The following THSD4 variants were observed in gnomAD, a reference collection of about 807,000 sequenced individuals.
THSD4 encodes thrombospondin type-1 domain-containing protein 4.
THSD4 carries 69 observed loss-of-function variants against 119.0 expected under a neutral mutation model. The ratio of observed to expected loss-of-function variants is 0.58; its 90% CI spans 0.48 to 0.71. The LOEUF is 0.71. THSD4 is among the 30% of genes least tolerant of loss of function. THSD4 has a pLI of 0.00. For synonymous variants in THSD4, 524 were observed against 540.4 expected (o/e 0.97, Z 0.42); for missense variants, 1,393 against 1,391.1 (o/e 1.00, Z -0.02).
intron 6 of THSD4, among the ~76,000 whole-genome samples, chr15:71,374,645 A>G (rs563708441): frequency 6.6e-6 from 1 of 152,330 alleles, no homozygotes; most frequent in South Asian, 2.1e-4. Context: ...ATGAATCTTG[A>G]GGGTGAGCAA....
At chr15:71,457,135 A>G (rs746335804) in intron 7 of THSD4, among the ~76,000 whole-genome samples, 1 of 152,114 alleles carries the variant, frequency 6.6e-6, no homozygotes, top group Non-Finnish European at 1.5e-5. Flanking sequence ...AATCCCAGCA[A>G]TTTGGGAGGC....
chr15:71,256,801 G>T, intron 6 of THSD4, 86 bp downstream of exon 6: 4 of 1,280,622 alleles, frequency 3.1e-6, no homozygotes, highest in Admixed American at 1.9e-5. Context: ...TGGAGGTATT[G>T]GTGTGATCCT....
intron 3 of THSD4, chr15:71,164,936 G>A: frequency 1.0e-5 from 16 of 1,581,302 alleles, no homozygotes; most frequent in Non-Finnish European, 1.3e-5. Context: ...AGCTCGATAT[G>A]CAGCAATATC....
At chr15:71,643,279 A>C (rs900036190) in intron 7 of THSD4, among the ~76,000 whole-genome samples, 3 of 152,128 alleles carry the variant, frequency 2.0e-5, no homozygotes, top group African/African-American at 4.8e-5. Context: ...TAAAACCACT[A>C]ATGTGTTTTG....
intron 7 of THSD4, among the ~76,000 whole-genome samples, chr15:71,438,138 G>A (rs376574223): frequency 4.6e-5 from 7 of 151,984 alleles, no homozygotes; most frequent in Non-Finnish European, 1.0e-4. Context: ...CCTCGCCCTC[G>A]CCCTCACCCT....
intron 10 of THSD4, chr15:71,734,007 C>G (rs1176399318): frequency 6.7e-6 from 1 of 149,554 alleles, no homozygotes; most frequent in Non-Finnish European, 1.5e-5. Context: ...TGGGGTCTCG[C>G]TATGTTGCCC....
At chr15:71,124,851 T>C (rs1233098059) in intron 1 of THSD4, among the ~76,000 whole-genome samples, 2 of 152,000 alleles carry the variant, frequency 1.3e-5, no homozygotes, top group African/African-American at 4.8e-5. Flanking sequence ...GAGACCAGCC[T>C]GGGCAACAAA....
intron 3 of THSD4, among the ~76,000 whole-genome samples, chr15:71,211,298 C>T (rs1235943429): frequency 1.3e-5 from 2 of 152,116 alleles, no homozygotes; most frequent in African/African-American, 2.4e-5. Context: ...GGTGCTTAAG[C>T]AACAGGAATT....
intron 6 of THSD4, among the ~76,000 whole-genome samples, chr15:71,296,684 T>G (rs1475920410): frequency 6.6e-6 from 1 of 152,242 alleles, no homozygotes; most frequent in African/African-American, 2.4e-5. Flanking sequence ...TTATCACAGG[T>G]TTTTATGTGT....
chr15:71,145,654 G>A (rs950970911), intron 2 of THSD4, among the ~76,000 whole-genome samples: 1 of 152,294 alleles, frequency 6.6e-6, no homozygotes, highest in Middle Eastern at 3.4e-3. Flanking sequence ...TTAAGAAAAC[G>A]TGTTTTTATG....
At chr15:71,551,944 C>T (rs4255743) in intron 7 of THSD4, among the ~76,000 whole-genome samples, 46,326 of 152,194 alleles carry the variant, frequency 0.3, 7,809 homozygotes, top group Non-Finnish European at 0.39. Context: ...TCCAAGTTAC[C>T]AGATGCCAGC....
chr15:71,185,392 A>G (rs889607748), intron 3 of THSD4: 2 of 151,832 alleles, frequency 1.3e-5, no homozygotes, highest in African/African-American at 4.8e-5. Context: ...TGGACCATAA[A>G]TCCATGCATT....
Position 71,608,037 on chromosome 15 carries a change from C to T in THSD4, c.1153-52493C>T, listed in dbSNP as rs374880731. Among the ~76,000 whole-genome samples, 266 of 152,044 alleles carry T rather than the reference C, an allele frequency of 1.7e-3. 14 individuals are homozygous for T. In the South Asian group the frequency reaches 0.049, roughly 28 times the overall value. On this transcript the variant is annotated intron_variant, in intron 7 of 17. Transcript: ENST00000261862. Reference sequence around the variant, plus strand: ...AGGAGTTCAAGATGAGCCTGGCCAACGTGGTGAAACCCTGTCTCTACTAAA... The same window carrying T: ...AGGAGTTCAAGATGAGCCTGGCCAATGTGGTGAAACCCTGTCTCTACTAAA...
At chr15:71,123,503 A>G (rs1003441832) in intron 1 of THSD4, among the ~76,000 whole-genome samples, 1 of 152,236 alleles carries the variant, frequency 6.6e-6, no homozygotes, top group Admixed American at 6.5e-5. Flanking sequence ...ACTGTTGTGC[A>G]GGTGAACACT....
rs928041435 is a variant in THSD4 at position 71,536,077 on chromosome 15, T to C, written c.1152+124254T>C. 2.0e-5 allele frequency among the ~76,000 whole-genome samples: 3 copies of C among 152,346 alleles called. No individual in the cohort carries two copies. In the South Asian group the frequency reaches 6.2e-4, roughly 32 times the overall value. On this transcript the variant is annotated intron_variant, in intron 7 of 17. Coordinates refer to ENST00000261862, the MANE Select transcript of THSD4 (RefSeq NM_024817.3). The stretch of plus-strand genomic sequence containing the variant: ...ATCTTAGCTCTTATAGTCAGGTCTA[T>C]ATATTAGTGTCCTATGGCTTTTACA...
At chr15:71,769,896 C>A in intron 16 of THSD4, among the ~76,000 whole-genome samples, 1 of 44,356 alleles carries the variant, frequency 2.3e-5, no homozygotes, top group Non-Finnish European at 4.1e-5. Context: ...CTGTGAGAAA[C>A]ACCCAAGAAT....
At chr15:71,447,061 C>G (rs2047192252) in intron 7 of THSD4, among the ~76,000 whole-genome samples, 1 of 150,764 alleles carries the variant, frequency 6.6e-6, no homozygotes, top group Non-Finnish European at 1.5e-5. Context: ...GGGGGAAGTG[C>G]CCAGTGGGTT....
At chr15:71,597,912 T>C (rs1375524480) in intron 7 of THSD4, among the ~76,000 whole-genome samples, 1 of 152,132 alleles carries the variant, frequency 6.6e-6, no homozygotes, top group Non-Finnish European at 1.5e-5. Flanking sequence ...TGCTTTTCAT[T>C]TCTCCCTCAG....
At chr15:71,215,459 C>A in intron 4 of THSD4, 60 bp downstream of exon 4, 2 of 1,423,616 alleles carry the variant, frequency 1.4e-6, no homozygotes, top group Non-Finnish European at 9.3e-7. Flanking sequence ...TGCCCCTGTC[C>A]CTGCCCCTGC....
Sources: allele counts gnomAD v4.1 joint callset (sites outside exome capture counted in the v4.1 genomes callset), GRCh38; gene constraint gnomAD v4.1.1; transcripts MANE v1.5; gene names NCBI Gene and HGNC (gene_info 2026-07-23, HGNC 2026-07-21).